Variants in RAPGEF2 observed in about 807,000 individuals in gnomAD.
RAPGEF2 encodes the protein PDZ domain containing guanine nucleotide exchange factor (GEF) 1.
A neutral mutation model predicts 186.7 loss-of-function variants in RAPGEF2; 54 were observed. That is an observed-to-expected ratio of 0.29 (90% CI 0.23 to 0.36). The LOEUF (loss-of-function observed/expected upper bound fraction) is 0.36, where lower values mean the gene tolerates loss of function less well. Ranked by LOEUF, RAPGEF2 falls within the 10% of genes least tolerant of loss-of-function variation. The pLI is 1.00. For missense variants in RAPGEF2, 1,532 were observed against 2,045.0 expected, an observed-to-expected ratio of 0.75 and a Z score of 4.84; for synonymous variants, 712 against 705.9, an observed-to-expected ratio of 1.01 and a Z score of -0.14.
At chr4:159,224,907 GA>G (rs1403186434) in intron 4 of RAPGEF2, among the ~76,000 whole-genome samples, 1 of 152,032 alleles carries the variant, frequency 6.6e-6, no homozygotes, top group African/African-American at 2.4e-5. Context: ...GACAAGGGAA[GA>G]AAAAAAGTAA....
At chr4:159,137,640 C>T (rs1458972117) in intron 1 of RAPGEF2, among the ~76,000 whole-genome samples, 1 of 148,656 alleles carries the variant, frequency 6.7e-6, no homozygotes, top group African/African-American at 2.5e-5. Context: ...ATAAAGAACA[C>T]ACCTTTTTAG....
intron 1 of RAPGEF2, among the ~76,000 whole-genome samples, chr4:159,182,675 C>T (rs1279602256): frequency 2.0e-5 from 3 of 152,098 alleles, no homozygotes; most frequent in African/African-American, 4.8e-5. Context: ...GGATTACAGG[C>T]GTGAGCCACT....
rs141400389 is a variant in RAPGEF2 at position 159,153,496 on chromosome 4, C to T, written c.70-33146C>T. 4.8e-3 allele frequency among the ~76,000 whole-genome samples: 738 copies of T among 152,220 alleles called. 4 individuals are homozygous for T. Among genetic ancestry groups the T allele is most frequent in the African/African-American group, 0.017 (702 of 41,534 alleles). ...CAAATTAATGTCTACTTTGGGGATCCAAAATCATTATTAAAATTGGTGAAT... is the reference window on the plus strand; with the variant it reads ...CAAATTAATGTCTACTTTGGGGATCTAAAATCATTATTAAAATTGGTGAAT... On this transcript the variant is annotated intron_variant, in intron 1 of 29. Transcript: ENST00000691494.
chr4:159,355,988 C>T lies in RAPGEF2; in HGVS notation c.4787C>T (p.Ser1596Leu), dbSNP rs758654587. The T allele has an allele frequency of 5.0e-6, 8 of 1,590,098 alleles. No homozygotes were observed. Among genetic ancestry groups the T allele is most frequent in the Non-Finnish European group, 6.0e-6 (7 of 1,165,184 alleles). The change falls in exon 29 of 30, where the codon TCG becomes TTG. Residue 1596 changes from serine (S) to leucine (L), a missense_variant. By Grantham distance (145) the Ser-to-Leu change is moderately radical. Coordinates refer to ENST00000691494, the MANE Select transcript of RAPGEF2 (RefSeq NM_001394067.2). Reference protein sequence around the residue: ...PPDYNVALQRSRMVARSSDTA... With the variant: ...PPDYNVALQRLRMVARSSDTA... ...GACTACAACGTGGCCCTTCAGAGAT[C>T]GCGGATGGTCGCACGATCCTCCGAC... is the stretch of plus-strand genomic sequence containing the variant.
intron 25 of RAPGEF2, among the ~76,000 whole-genome samples, chr4:159,347,298 A>C (rs1417233901): frequency 6.6e-6 from 1 of 152,222 alleles, no homozygotes; most frequent in African/African-American, 2.4e-5. Context: ...TTGTTCATTT[A>C]CATTATTTAA....
At chr4:159,198,430 C>CTCTT (rs1417756945) in intron 3 of RAPGEF2, among the ~76,000 whole-genome samples, 6 of 69,766 alleles carry the variant, frequency 8.6e-5, no homozygotes, top group South Asian at 8.4e-4. Context: ...CTCTCTCTCT[C>CTCTT]TCTTTCTTTC....
chr4:159,123,479 G>C (rs1050688351), intron 1 of RAPGEF2, among the ~76,000 whole-genome samples: 2 of 151,556 alleles, frequency 1.3e-5, no homozygotes, highest in African/African-American at 4.9e-5. Context: ...TTCGTGCCAG[G>C]TTAAGTATTT....
chr4:159,216,471 A>G (rs533845354), intron 4 of RAPGEF2, among the ~76,000 whole-genome samples: 1 of 152,258 alleles, frequency 6.6e-6, no homozygotes, highest in South Asian at 2.1e-4. Flanking sequence ...GAAAATGTGG[A>G]CATGATAAAG....
At chr4:159,276,922 CT>C (rs1027805874) in intron 7 of RAPGEF2, among the ~76,000 whole-genome samples, 1 of 151,834 alleles carries the variant, frequency 6.6e-6, no homozygotes, top group African/African-American at 2.4e-5. Context: ...TAGGGACTAT[CT>C]TTTTTTAATT....
intron 19 of RAPGEF2, among the ~76,000 whole-genome samples, chr4:159,340,526 G>A (rs1370086916): frequency 6.6e-6 from 1 of 152,054 alleles, no homozygotes; most frequent in Non-Finnish European, 1.5e-5. Context: ...TCTGTTATAT[G>A]TGTTTGCCTT....
intron 1 of RAPGEF2, among the ~76,000 whole-genome samples, chr4:159,154,093 A>T (rs1743852937): frequency 6.6e-6 from 1 of 152,196 alleles, no homozygotes; most frequent in Non-Finnish European, 1.5e-5. Flanking sequence ...GGTTGAATAG[A>T]TGCTTTCTAA....
chr4:159,241,000 GCCT>G (rs764711586), intron 5 of RAPGEF2, 198 bp from the exon 6 acceptor site: 68 of 459,768 alleles, frequency 1.5e-4, no homozygotes, highest in Non-Finnish European at 2.5e-4. Context: ...AACTGAAAAT[GCCT>G]CCTCATAAAA....
At chr4:159,342,616 A>ATTTTATTTTATCTTATGTTATG (rs1554041277) in intron 20 of RAPGEF2, among the ~76,000 whole-genome samples, 1 of 118,354 alleles carries the variant, frequency 8.4e-6, no homozygotes. Flanking sequence ...ATTTTATTTT[A>ATTTTATTTTATCTTATGTTATG]TTACTAGAGG....
chr4:159,223,412 A>G (rs1012205338), intron 4 of RAPGEF2, among the ~76,000 whole-genome samples: 1 of 152,228 alleles, frequency 6.6e-6, no homozygotes, highest in Non-Finnish European at 1.5e-5. Flanking sequence ...ACAACTAGAA[A>G]TTGCTTAGAA....
intron 2 of RAPGEF2, among the ~76,000 whole-genome samples, chr4:159,192,302 C>T (rs1437257264): frequency 1.3e-5 from 2 of 151,698 alleles, no homozygotes; most frequent in Non-Finnish European, 2.9e-5. Flanking sequence ...ACGCGAAGAA[C>T]AAGGAAAAAA....
At chr4:159,110,706 A>G (rs1264698834) in intron 1 of RAPGEF2, among the ~76,000 whole-genome samples, 2 of 152,256 alleles carry the variant, frequency 1.3e-5, no homozygotes, top group Non-Finnish European at 2.9e-5. Flanking sequence ...TTAAGCAGGC[A>G]AAAATGAACT....
intron 1 of RAPGEF2, among the ~76,000 whole-genome samples, chr4:159,163,336 A>T (rs960607153): frequency 2.0e-5 from 3 of 152,194 alleles, no homozygotes; most frequent in Non-Finnish European, 4.4e-5. Flanking sequence ...ATGATCATGG[A>T]GACATTTTAT....
chr4:159,139,009 A>G (rs755304029), intron 1 of RAPGEF2, among the ~76,000 whole-genome samples: 8 of 152,218 alleles, frequency 5.3e-5, no homozygotes, highest in Non-Finnish European at 1.0e-4. Context: ...GCATCTGACT[A>G]GGTAACATTT....
chr4:159,122,166 T>A (rs1365650128), intron 1 of RAPGEF2, among the ~76,000 whole-genome samples: 2 of 151,354 alleles, frequency 1.3e-5, no homozygotes, highest in South Asian at 2.1e-4. Context: ...GACAATAAGA[T>A]GTAAAGAAAT....
Sources: allele counts gnomAD v4.1 joint callset (sites outside exome capture counted in the v4.1 genomes callset), GRCh38; gene constraint gnomAD v4.1.1; transcripts MANE v1.5; gene names NCBI Gene and HGNC (gene_info 2026-07-23, HGNC 2026-07-21).